Variants in CEP350 observed in about 807,000 individuals in gnomAD.
CEP350 encodes the protein centrosomal protein 350, also known as centrosome-associated protein 350.
In CEP350, 126 loss-of-function variants were observed where a neutral mutation model predicts 331.8. The ratio of observed to expected loss-of-function variants is 0.38; its 90% CI spans 0.33 to 0.44. The LOEUF is 0.44. Ranked by LOEUF, CEP350 falls within the 20% of genes least tolerant of loss-of-function variation. The pLI is 1.00. For missense variants in CEP350, 3,406 were observed against 3,634.6 expected (o/e 0.94, Z 1.62); for synonymous variants, 1,200 against 1,259.5 (o/e 0.95, Z 1.00).
At chr1:180,051,259 AC>A (rs1657480320) in intron 22 of CEP350, among the ~76,000 whole-genome samples, 1 of 152,174 alleles carries the variant, frequency 6.6e-6, no homozygotes, top group African/African-American at 2.4e-5. Context: ...CCTCCGCTCT[AC>A]CAGACCTCCG....
intron 37 of CEP350, among the ~76,000 whole-genome samples, chr1:180,103,603 C>A (rs1187198567): frequency 6.6e-6 from 1 of 151,974 alleles, no homozygotes; most frequent in Admixed American, 6.6e-5. Context: ...TGTAATTTTT[C>A]TGGATATGTC....
At chr1:180,031,656 A>G (rs1406118818) in intron 15 of CEP350, among the ~76,000 whole-genome samples, 162 bp downstream of exon 15, 3 of 152,078 alleles carry the variant, frequency 2.0e-5, no homozygotes, top group Admixed American at 6.6e-5. Flanking sequence ...AGCTTTGTTC[A>G]CAGCTCTAAT....
chr1:179,991,011 G>C (rs940735908), intron 4 of CEP350, among the ~76,000 whole-genome samples: 1 of 152,102 alleles, frequency 6.6e-6, no homozygotes, highest in Non-Finnish European at 1.5e-5. Context: ...AGTAACCGTA[G>C]ATGGTGTTTT....
In CEP350 at chr1:180,068,052, T is replaced by G. The variant is rs543730661; in HGVS notation, c.5567+2780T>G. 1.3e-3 allele frequency among the ~76,000 whole-genome samples: 203 copies of G among 152,376 alleles called. 1 individual carries two copies. Among genetic ancestry groups the G allele is most frequent in the African/African-American group, 4.7e-3 (194 of 41,590 alleles). On this transcript the variant is annotated intron_variant, in intron 27 of 37. Coordinates refer to ENST00000367607, the MANE Select transcript of CEP350 (RefSeq NM_014810.5). ...TTTGCAAAGGCAGTCATTCCTATTT[T>G]ATTGTTATAAATCACCAAAGAGTAG...
chr1:180,074,793 C>A (rs969225770), intron 27 of CEP350, among the ~76,000 whole-genome samples: 9 of 152,108 alleles, frequency 5.9e-5, no homozygotes, highest in African/African-American at 2.2e-4. Context: ...TGTTATCTTT[C>A]CTTTGCTAAC....
chr1:180,009,861 A>G (rs1274630943), intron 8 of CEP350, among the ~76,000 whole-genome samples: 1 of 152,144 alleles, frequency 6.6e-6, no homozygotes, highest in African/African-American at 2.4e-5. Context: ...CCTTTTTATA[A>G]TTGATGTTTT....
intron 26 of CEP350, 49 bp downstream of exon 26, chr1:180,062,415 G>A (rs200694131): frequency 3.9e-4 from 596 of 1,517,224 alleles, no homozygotes; most frequent in Middle Eastern, 3.5e-3. Flanking sequence ...TTTGATTGTC[G>A]GTATCTAACC....
intron 1 of CEP350, among the ~76,000 whole-genome samples, chr1:179,965,933 G>A (rs771509306): frequency 2.0e-4 from 30 of 151,980 alleles, no homozygotes; most frequent in Non-Finnish European, 3.4e-4. Flanking sequence ...GCCTACAGGT[G>A]ATCTTTTTAA....
Position 180,034,026 on chromosome 1 carries a change from C to G in CEP350, c.3890C>G (p.Thr1297Ser). Residue 1297 changes from threonine to serine, a missense_variant, in exon 16 of 38, where the codon ACT becomes AGT. Physicochemically the swap from Thr to Ser is moderately conservative, Grantham distance 58. This residue lies in a region of CEP350 where 1,857 missense variants were observed against 1,909.2 expected (regional missense o/e 0.97). Coordinates refer to ENST00000367607, the MANE Select transcript of CEP350 (RefSeq NM_014810.5). ...GGATTTAAGCCTAATGCACCTCTCACTGATCTGAACCCGGCAGCCAGCAGA... is the reference window on the plus strand; with the variant it reads ...GGATTTAAGCCTAATGCACCTCTCAGTGATCTGAACCCGGCAGCCAGCAGA... ...ITGFKPNAPL[T>S]DLNPAASRTT... 1.2e-6 allele frequency: 2 copies of G among 1,613,910 alleles called. No individual in the cohort carries two copies. Among genetic ancestry groups the G allele is most frequent in the Non-Finnish European group, 1.7e-6 (2 of 1,179,826 alleles).
chr1:179,976,302 C>T lies in CEP350; in HGVS notation c.-13-9867C>T, dbSNP rs376732829. ...AAACATAGACTTTTTAGTTGAAGGACTGTTCATAACAAAGTGAAAGATAAA... is the reference window on the plus strand; with the variant it reads ...AAACATAGACTTTTTAGTTGAAGGATTGTTCATAACAAAGTGAAAGATAAA... On this transcript the variant is annotated intron_variant, in intron 1 of 37. Coordinates refer to ENST00000367607, the MANE Select transcript of CEP350 (RefSeq NM_014810.5). 1.4e-4 allele frequency among the ~76,000 whole-genome samples: 22 copies of T among 152,092 alleles called. No homozygotes were observed. The East Asian group carries it at 2.1e-3, about 15-fold the overall frequency.
At chr1:180,100,717 A>C (rs1423944992) in intron 37 of CEP350, among the ~76,000 whole-genome samples, 2 of 152,242 alleles carry the variant, frequency 1.3e-5, no homozygotes, top group East Asian at 3.8e-4. Flanking sequence ...AGGATGGTCA[A>C]GGCAGGCTTC....
At chr1:180,096,598 T>C (rs1385121921) in intron 36 of CEP350, among the ~76,000 whole-genome samples, 1 of 152,218 alleles carries the variant, frequency 6.6e-6, no homozygotes, top group Non-Finnish European at 1.5e-5. Flanking sequence ...GTCTTTTCAA[T>C]ATGCCAGCCC....
intron 20 of CEP350, 88 bp downstream of exon 20, chr1:180,043,280 A>G: frequency 7.0e-7 from 1 of 1,419,894 alleles, no homozygotes; most frequent in Non-Finnish European, 9.4e-7. Flanking sequence ...ATTTGTTGTT[A>G]TAGGCATTAT....
intron 1 of CEP350, chr1:179,968,544 C>G (rs1651193393): frequency 3.0e-6 from 1 of 328,182 alleles, no homozygotes; most frequent in Admixed American, 4.0e-5. Flanking sequence ...AACAGCCTCT[C>G]AGTTGACTAA....
chr1:180,109,535 C>T (rs1661363723), intron 37 of CEP350, among the ~76,000 whole-genome samples: 1 of 152,204 alleles, frequency 6.6e-6, no homozygotes, highest in Non-Finnish European at 1.5e-5. Context: ...CTGCAATTAA[C>T]TTTGCTGAAT....
chr1:179,960,563 C>T (rs1408524058), intron 1 of CEP350, among the ~76,000 whole-genome samples: 1 of 152,178 alleles, frequency 6.6e-6, no homozygotes, highest in African/African-American at 2.4e-5. Flanking sequence ...GTTTGAGATA[C>T]CACACAAGAG....
At chr1:179,961,752 G>A (rs1650641391) in intron 1 of CEP350, among the ~76,000 whole-genome samples, 1 of 152,138 alleles carries the variant, frequency 6.6e-6, no homozygotes, top group Non-Finnish European at 1.5e-5. Context: ...TGGGTATATT[G>A]CATCATGCTG....
intron 19 of CEP350, among the ~76,000 whole-genome samples, chr1:180,042,248 TG>T (rs945759648): frequency 1.3e-5 from 2 of 152,002 alleles, no homozygotes; most frequent in African/African-American, 4.8e-5. Flanking sequence ...ATCTCAGTCC[TG>T]GGGAACCACT....
chr1:180,092,165 G>T (rs868442470), intron 33 of CEP350, among the ~76,000 whole-genome samples: 11 of 152,284 alleles, frequency 7.2e-5, no homozygotes, highest in Admixed American at 1.3e-4. Flanking sequence ...AGAAATAGTT[G>T]ATCTATTTTC....
Sources: gnomAD v4.1 joint callset for allele counts (sites outside exome capture counted in the v4.1 genomes callset) on GRCh38, gnomAD v4.1.1 for gene constraint, gnomAD v4.1.1 regional missense constraint, MANE v1.5 for transcripts, NCBI Gene and HGNC (gene_info 2026-07-23, HGNC 2026-07-21) for gene names.